The following CTNNA2 variants were observed in gnomAD, a reference collection of about 807,000 sequenced individuals.
CTNNA2 encodes the protein catenin alpha 2.
CTNNA2 carries 42 observed loss-of-function variants against 101.0 expected under a neutral mutation model. The observed-to-expected ratio is 0.42, with a 90% CI of 0.32 to 0.54. CTNNA2 has a LOEUF of 0.54. Among genes scored for constraint, CTNNA2 ranks in the 20% least tolerant of loss-of-function variants. The pLI is 0.14. For missense variants in CTNNA2, 871 were observed against 1,223.1 expected, an observed-to-expected ratio of 0.71 and a Z score of 4.29; for synonymous variants, 450 against 456.4, an observed-to-expected ratio of 0.99 and a Z score of 0.18.
intron 1 of CTNNA2, among the ~76,000 whole-genome samples, chr2:79,584,363 A>AT (rs1431070113): frequency 6.6e-6 from 1 of 151,108 alleles, no homozygotes; most frequent in Non-Finnish European, 1.5e-5. Flanking sequence ...AGTTGTGGTG[A>AT]TTTTTTTTCT....
chr2:80,118,831 A>C (rs1174701955), intron 7 of CTNNA2, among the ~76,000 whole-genome samples: 1 of 152,244 alleles, frequency 6.6e-6, no homozygotes, highest in Non-Finnish European at 1.5e-5. Context: ...TGTCTGCTGC[A>C]GAAGAGCCTA....
At chr2:80,113,463 GTCCA>G (rs1701336955) in intron 7 of CTNNA2, among the ~76,000 whole-genome samples, 1 of 152,212 alleles carries the variant, frequency 6.6e-6, no homozygotes, top group Non-Finnish European at 1.5e-5. Flanking sequence ...TGAGTCTGTA[GTCCA>G]TAGATTGGGA....
intron 2 of CTNNA2, chr2:79,281,453 T>C (rs569729526): frequency 6.6e-6 from 1 of 152,298 alleles, no homozygotes; most frequent in East Asian, 1.9e-4. Context: ...TTTTTGGCCT[T>C]CCTTATCCAG....
Position 79,912,491 on chromosome 2 carries a change from T to C in CTNNA2, c.1056+2694T>C, listed in dbSNP as rs1042646426. The stretch of plus-strand genomic sequence containing the variant: ...GTGCAACTTGAAGATGTCAACAGAA[T>C]TGTGCAGTTAAAAGAAGTGGTGATA... On this transcript the variant is annotated intron_variant, in intron 7 of 18. Transcript: ENST00000402739. 5.3e-5 allele frequency among the ~76,000 whole-genome samples: 8 copies of C among 152,296 alleles called. 1 individual carries two copies. Among genetic ancestry groups the C allele is most frequent in the African/African-American group, 1.9e-4 (8 of 41,572 alleles).
intron 4 of CTNNA2, among the ~76,000 whole-genome samples, chr2:79,421,193 T>C (rs1344995657): frequency 6.6e-6 from 1 of 152,114 alleles, no homozygotes; most frequent in Non-Finnish European, 1.5e-5. Flanking sequence ...ACTAAGTACT[T>C]AGCAAATATA....
intron 3 of CTNNA2, 26 bp downstream of exon 3, chr2:79,744,608 A>C: frequency 6.2e-7 from 1 of 1,604,508 alleles, no homozygotes. Context: ...TTATTGTTCA[A>C]GGCGGATCTA....
At chr2:80,103,671 G>A (rs1442555576) in intron 7 of CTNNA2, among the ~76,000 whole-genome samples, 1 of 150,084 alleles carries the variant, frequency 6.7e-6, no homozygotes, top group African/African-American at 2.5e-5. Flanking sequence ...ACACACCTGA[G>A]TGAGTTCTAC....
intron 7 of CTNNA2, among the ~76,000 whole-genome samples, chr2:80,280,511 G>A (rs1674293148): frequency 6.6e-6 from 1 of 151,698 alleles, no homozygotes; most frequent in South Asian, 2.1e-4. Context: ...GGGTGGGATG[G>A]CTAACCTTGG....
chr2:80,152,317 G>GTT lies in CTNNA2; in HGVS notation c.1057-240881_1057-240880dup, dbSNP rs113520232. The stretch of plus-strand genomic sequence containing the variant: ...CGGAGAAGAACCAATGCCACTTGAT[G>GTT]TTTTTTTTTTTTTTATTCCATGGCA... On this transcript the variant is annotated intron_variant, in intron 7 of 18. Coordinates refer to ENST00000402739, the MANE Select transcript of CTNNA2 (RefSeq NM_001282597.3). Among the ~76,000 whole-genome samples, 638 of 143,250 alleles carry GTT rather than the reference G, an allele frequency of 4.5e-3. 6 individuals are homozygous for GTT. Among genetic ancestry groups the GTT allele is most frequent in the African/African-American group, 0.015 (595 of 39,400 alleles). 94.0% of individuals were successfully genotyped at this position (143,250 alleles called of 152,430 possible).
chr2:79,558,016 A>G (rs1674550191), intron 1 of CTNNA2, among the ~76,000 whole-genome samples: 2 of 151,982 alleles, frequency 1.3e-5, no homozygotes, highest in African/African-American at 4.8e-5. Flanking sequence ...TTACACACAT[A>G]GAGATTTATA....
intron 2 of CTNNA2, among the ~76,000 whole-genome samples, chr2:79,261,059 T>C (rs752518824): frequency 5.9e-5 from 9 of 152,126 alleles, no homozygotes; most frequent in Non-Finnish European, 1.3e-4. Context: ...CAGCTAAATA[T>C]TGGGACCCAT....
chr2:80,544,109 C>T (rs1363158227), intron 9 of CTNNA2, among the ~76,000 whole-genome samples: 2 of 152,058 alleles, frequency 1.3e-5, no homozygotes, highest in Non-Finnish European at 2.9e-5. Flanking sequence ...GACCTGGGAA[C>T]TTGAATTCAG....
At chr2:80,322,491 C>G (rs1477094958) in intron 7 of CTNNA2, among the ~76,000 whole-genome samples, 1 of 152,038 alleles carries the variant, frequency 6.6e-6, no homozygotes, top group African/African-American at 2.4e-5. Context: ...GGCAATTGTT[C>G]CCTTGCTTGG....
At chr2:80,572,507 C>T (rs1694687557) in intron 12 of CTNNA2, among the ~76,000 whole-genome samples, 1 of 152,028 alleles carries the variant, frequency 6.6e-6, no homozygotes, top group South Asian at 2.1e-4. Context: ...AACGTAGACA[C>T]CGTGGAGTGG....
At chr2:80,238,180 G>T (rs566155282) in intron 7 of CTNNA2, among the ~76,000 whole-genome samples, 4 of 152,028 alleles carry the variant, frequency 2.6e-5, no homozygotes, top group Non-Finnish European at 5.9e-5. Flanking sequence ...GTCCATTTAT[G>T]ACTCTGTGAC....
intron 9 of CTNNA2, among the ~76,000 whole-genome samples, chr2:80,494,567 C>T (rs1687300227): frequency 6.7e-6 from 1 of 148,522 alleles, no homozygotes; most frequent in Non-Finnish European, 1.5e-5. Context: ...ACTTAGGGGG[C>T]AGAAGAGGAG....
At chr2:80,565,814 A>G (rs753894842) in intron 12 of CTNNA2, among the ~76,000 whole-genome samples, 5 of 152,170 alleles carry the variant, frequency 3.3e-5, no homozygotes, top group Non-Finnish European at 7.3e-5. Context: ...ATTTGCATAT[A>G]AAATTTAGTA....
chr2:80,520,244 A>G (rs1191350078), intron 9 of CTNNA2, among the ~76,000 whole-genome samples: 1 of 152,054 alleles, frequency 6.6e-6, no homozygotes, highest in Admixed American at 6.6e-5. Flanking sequence ...AAAGGGATCA[A>G]TAAGCATATA....
chr2:80,060,853 C>A (rs558015308), intron 7 of CTNNA2, among the ~76,000 whole-genome samples: 2 of 152,316 alleles, frequency 1.3e-5, no homozygotes, highest in East Asian at 3.9e-4. Flanking sequence ...CTGAGGCCCT[C>A]TGCTCTTAGA....
Sources: allele counts gnomAD v4.1 joint callset (sites outside exome capture counted in the v4.1 genomes callset), GRCh38; gene constraint gnomAD v4.1.1; transcripts MANE v1.5; gene names NCBI Gene and HGNC (gene_info 2026-07-23, HGNC 2026-07-21).